The following SLC14A2 variants were observed in gnomAD, a reference collection of about 807,000 sequenced individuals.
SLC14A2 encodes solute carrier family 14 member 2.
In SLC14A2, 91 loss-of-function variants were observed where a neutral mutation model predicts 104.6. That is an observed-to-expected ratio of 0.87 (90% CI 0.73 to 1.04). The LOEUF (loss-of-function observed/expected upper bound fraction) is 1.04. Ranked by LOEUF, SLC14A2 falls within the 50% of genes least tolerant of loss-of-function variation. The pLI is 0.00. For synonymous variants in SLC14A2, 476 were observed against 466.4 expected (o/e 1.02, Z -0.27); for missense variants, 1,189 against 1,156.0 (o/e 1.03, Z -0.41).
At chr18:45,429,581 C>T (rs2086483443) in intron 1 of SLC14A2, among the ~76,000 whole-genome samples, 1 of 152,048 alleles carries the variant, frequency 6.6e-6, no homozygotes, top group African/African-American at 2.4e-5. Flanking sequence ...CTCCTAGGAC[C>T]CCCATTTAGA....
intron 2 of SLC14A2, among the ~76,000 whole-genome samples, chr18:45,486,341 T>G (rs1004439634): frequency 6.6e-6 from 1 of 151,812 alleles, no homozygotes; most frequent in African/African-American, 2.4e-5. Flanking sequence ...TACATTCTCC[T>G]GACAAAATTC....
chr18:45,569,502 G>A (rs2044316287), intron 2 of SLC14A2, among the ~76,000 whole-genome samples: 1 of 152,094 alleles, frequency 6.6e-6, no homozygotes, highest in African/African-American at 2.4e-5. Context: ...GCAACTCAAG[G>A]TATATTTAAT....
chr18:45,618,746 G>A (rs1166113964), intron 1 of SLC14A2, among the ~76,000 whole-genome samples: 1 of 150,938 alleles, frequency 6.6e-6, no homozygotes, highest in Non-Finnish European at 1.5e-5. Flanking sequence ...ATGACCAGGG[G>A]ACTGGTATAC....
chr18:45,387,267 C>A (rs1437537963), intron 1 of SLC14A2, among the ~76,000 whole-genome samples: 2 of 152,186 alleles, frequency 1.3e-5, no homozygotes, highest in Non-Finnish European at 2.9e-5. Context: ...CAGCGTCAAG[C>A]AACCCCGTAT....
chr18:45,289,321 C>G (rs994083917), intron 1 of SLC14A2, among the ~76,000 whole-genome samples: 4 of 152,106 alleles, frequency 2.6e-5, no homozygotes, highest in Non-Finnish European at 5.9e-5. Flanking sequence ...ACAACTCAAG[C>G]AAAGGAGAGC....
intron 1 of SLC14A2, among the ~76,000 whole-genome samples, chr18:45,380,662 T>C (rs1290392998): frequency 6.6e-6 from 1 of 152,208 alleles, no homozygotes; most frequent in Non-Finnish European, 1.5e-5. Flanking sequence ...GACAAAATTA[T>C]GAAGTTGGCT....
At chr18:45,247,116 C>T (rs946195545) in intron 1 of SLC14A2, among the ~76,000 whole-genome samples, 5 of 152,124 alleles carry the variant, frequency 3.3e-5, no homozygotes, top group African/African-American at 9.7e-5. Flanking sequence ...CACCCTGACA[C>T]CCTCTAGAAT....
intron 2 of SLC14A2, among the ~76,000 whole-genome samples, chr18:45,608,293 C>A (rs931202021): frequency 3.9e-5 from 6 of 152,138 alleles, no homozygotes; most frequent in African/African-American, 1.4e-4. Context: ...TGAACAACCC[C>A]AGAAAAGATG....
intron 10 of SLC14A2, among the ~76,000 whole-genome samples, chr18:45,662,879 G>C (rs2045956335): frequency 6.6e-6 from 1 of 152,096 alleles, no homozygotes; most frequent in African/African-American, 2.4e-5. Context: ...TACGAGACCT[G>C]GGTGTGGGTG....
intron 2 of SLC14A2, among the ~76,000 whole-genome samples, chr18:45,533,781 T>C (rs2043737936): frequency 6.6e-6 from 1 of 152,222 alleles, no homozygotes; most frequent in Non-Finnish European, 1.5e-5. Context: ...GTTCTTTTAA[T>C]TGTGATGTTA....
intron 2 of SLC14A2, among the ~76,000 whole-genome samples, chr18:45,517,865 T>C (rs765622600): frequency 6.6e-6 from 1 of 152,148 alleles, no homozygotes; most frequent in Non-Finnish European, 1.5e-5. Flanking sequence ...AGTTCACTGG[T>C]TATAGAGAAC....
At chr18:45,268,964 T>TGTGTGTGTG (rs2084621690) in intron 1 of SLC14A2, among the ~76,000 whole-genome samples, 92 of 143,552 alleles carry the variant, frequency 6.4e-4, no homozygotes, top group African/African-American at 2.4e-3. Flanking sequence ...GTTGGTGTGT[T>TGTGTGTGTG]TGTGTGTGTG....
At chr18:45,319,573 C>A (rs72906661) in intron 1 of SLC14A2, among the ~76,000 whole-genome samples, 8,214 of 152,304 alleles carry the variant, frequency 0.054, 319 homozygotes, top group Non-Finnish European at 0.082. Context: ...TAGCACATGT[C>A]TAGCCTCTAG....
chr18:45,193,035 T>C, the SLC14A2 span, among the ~76,000 whole-genome samples: 1,399 of 152,346 alleles, frequency 9.2e-3, 30 homozygotes, highest in African/African-American at 0.032. Context: ...TTAAACCTTT[T>C]GTCTTCTTTG....
At chr18:45,434,133 C>T (rs188704905) in intron 1 of SLC14A2, among the ~76,000 whole-genome samples, 1 of 152,272 alleles carries the variant, frequency 6.6e-6, no homozygotes, top group Non-Finnish European at 1.5e-5. Flanking sequence ...CTGAACATCC[C>T]CCTACCCTTA....
intron 1 of SLC14A2, among the ~76,000 whole-genome samples, chr18:45,236,901 G>C (rs1041008652): frequency 1.3e-5 from 2 of 152,058 alleles, no homozygotes; most frequent in Non-Finnish European, 2.9e-5. Context: ...ATGTCTGTTG[G>C]TGGGAAATCA....
intron 2 of SLC14A2, among the ~76,000 whole-genome samples, chr18:45,500,083 T>G (rs1490628953): frequency 3.3e-5 from 5 of 152,104 alleles, no homozygotes; most frequent in Non-Finnish European, 5.9e-5. Flanking sequence ...CGCAAATAAA[T>G]TGGTAATAAT....
intron 2 of SLC14A2, among the ~76,000 whole-genome samples, chr18:45,498,268 G>A (rs1001282980): frequency 9.2e-5 from 14 of 152,152 alleles, no homozygotes; most frequent in East Asian, 7.7e-4. Flanking sequence ...CATACTTCCC[G>A]GGAACACATT....
the SLC14A2 span, among the ~76,000 whole-genome samples, chr18:45,170,855 G>T: frequency 1.3e-5 from 2 of 152,144 alleles, no homozygotes; most frequent in African/African-American, 4.8e-5. Flanking sequence ...TTGTGAAGGA[G>T]TCCCACAGGA....
Sources: allele counts gnomAD v4.1 joint callset (sites outside exome capture counted in the v4.1 genomes callset), GRCh38; gene constraint gnomAD v4.1.1; transcripts MANE v1.5; gene names NCBI Gene and HGNC (gene_info 2026-07-23, HGNC 2026-07-21).